Variants in GRM7 observed in about 807,000 individuals in gnomAD.
The protein encoded by GRM7 is glutamate metabotropic receptor 7.
A neutral mutation model predicts 84.5 loss-of-function variants in GRM7; 35 were observed. The ratio of observed to expected loss-of-function variants is 0.41; its 90% CI spans 0.32 to 0.55. GRM7 has a LOEUF of 0.55. GRM7 is among the 20% of genes least tolerant of loss of function. The pLI, the probability that GRM7 is intolerant of heterozygous loss-of-function variation, is 0.19. For synonymous variants in GRM7, 487 were observed against 455.1 expected, an observed-to-expected ratio of 1.07 and a Z score of -0.89; for missense variants, 1,003 against 1,194.6, an observed-to-expected ratio of 0.84 and a Z score of 2.36.
At chr3:6,998,167 G>A (rs1373434409) in intron 1 of GRM7, among the ~76,000 whole-genome samples, 6 of 127,082 alleles carry the variant, frequency 4.7e-5, no homozygotes, top group African/African-American at 1.7e-4. Flanking sequence ...TAGATACAAT[G>A]AGGGTACAGG....
chr3:7,667,542 A>G (rs559031919), intron 8 of GRM7, among the ~76,000 whole-genome samples: 37 of 152,262 alleles, frequency 2.4e-4, no homozygotes, highest in African/African-American at 7.9e-4. Context: ...TCATCCATCA[A>G]TTTTTTAATA....
At chr3:7,704,690 A>G (rs1701329773) in intron 9 of GRM7, among the ~76,000 whole-genome samples, 1 of 152,210 alleles carries the variant, frequency 6.6e-6, no homozygotes, top group Non-Finnish European at 1.5e-5. Context: ...AGTATTCAAT[A>G]TATACGTGAA....
intron 1 of GRM7, among the ~76,000 whole-genome samples, chr3:6,870,276 G>C (rs912800688): frequency 6.6e-6 from 1 of 152,136 alleles, no homozygotes; most frequent in Admixed American, 6.5e-5. Context: ...ATTTGATGAG[G>C]TGACAATTGA....
intron 1 of GRM7, among the ~76,000 whole-genome samples, chr3:7,142,722 C>T (rs934329588): frequency 6.6e-6 from 1 of 152,120 alleles, no homozygotes; most frequent in Non-Finnish European, 1.5e-5. Context: ...AAAATGTTGA[C>T]AGGGATCAAG....
intron 3 of GRM7, among the ~76,000 whole-genome samples, chr3:7,301,163 G>GTT (rs79297508): frequency 6.6e-6 from 1 of 151,690 alleles, no homozygotes; most frequent in Non-Finnish European, 1.5e-5. Context: ...TGCTCACGAT[G>GTT]TTTTTTTCTC....
At position 7,195,066 on chromosome 3, in the gene GRM7, T is replaced by C. The variant is rs547572118; in HGVS notation, c.736+48398T>C. Among the ~76,000 whole-genome samples, 3 of 152,268 alleles carry C rather than the reference T, an allele frequency of 2.0e-5. No individual in the cohort carries two copies. In the South Asian group the frequency reaches 6.2e-4, roughly 32 times the overall value. On this transcript the variant is annotated intron_variant, in intron 2 of 9. Transcript: ENST00000357716. ...TTAAATAAGTGCCTGATGTATGCAA[T>C]CAGTCATCCGGTCCCTAATACCTGG...
intron 9 of GRM7, among the ~76,000 whole-genome samples, chr3:7,739,521 A>G (rs73023800): frequency 6.6e-6 from 1 of 152,330 alleles, no homozygotes; most frequent in Non-Finnish European, 1.5e-5. Context: ...ACATCATTGC[A>G]ACAGTATGAC....
chr3:7,528,542 T>G (rs1700897762), intron 7 of GRM7, among the ~76,000 whole-genome samples: 1 of 152,062 alleles, frequency 6.6e-6, no homozygotes, highest in Non-Finnish European at 1.5e-5. Flanking sequence ...CTTTTAGTTA[T>G]TTTTTTTCTT....
intron 7 of GRM7, among the ~76,000 whole-genome samples, chr3:7,469,992 G>C (rs1056166446): frequency 1.3e-5 from 2 of 152,116 alleles, no homozygotes; most frequent in African/African-American, 4.8e-5. Flanking sequence ...TAAAAGATCA[G>C]ATCTGGCAAT....
chr3:6,907,793 A>G (rs972992924), intron 1 of GRM7, among the ~76,000 whole-genome samples: 3 of 152,200 alleles, frequency 2.0e-5, no homozygotes, highest in Non-Finnish European at 4.4e-5. Flanking sequence ...GACATTATTT[A>G]GAAAACCACA....
intron 4 of GRM7, among the ~76,000 whole-genome samples, chr3:7,368,712 G>T (rs1694010860): frequency 6.6e-6 from 1 of 152,098 alleles, no homozygotes; most frequent in South Asian, 2.1e-4. Flanking sequence ...CTGTTTGGTT[G>T]TGGTGAAGAT....
At chr3:7,158,594 A>T (rs1226329803) in intron 2 of GRM7, among the ~76,000 whole-genome samples, 2 of 152,152 alleles carry the variant, frequency 1.3e-5, no homozygotes, top group African/African-American at 4.8e-5. Flanking sequence ...ACTCCTTCAG[A>T]GTAGCTACAG....
intron 8 of GRM7, among the ~76,000 whole-genome samples, chr3:7,600,502 C>T (rs1015869584): frequency 6.6e-6 from 1 of 152,032 alleles, no homozygotes; most frequent in East Asian, 1.9e-4. Context: ...TGCTGTTGAA[C>T]GGGGTATTTA....
chr3:7,061,062 T>C (rs1436304665), intron 1 of GRM7, among the ~76,000 whole-genome samples: 2 of 151,800 alleles, frequency 1.3e-5, no homozygotes, highest in Non-Finnish European at 2.9e-5. Context: ...AGTACAGGCA[T>C]TTTTTGATGT....
At chr3:7,485,083 T>G (rs1274465424) in intron 7 of GRM7, among the ~76,000 whole-genome samples, 1 of 152,174 alleles carries the variant, frequency 6.6e-6, no homozygotes, top group African/African-American at 2.4e-5. Context: ...CAAGTCAATC[T>G]TTCCCCATTT....
At chr3:6,954,303 A>G (rs1021219586) in intron 1 of GRM7, among the ~76,000 whole-genome samples, 1 of 152,200 alleles carries the variant, frequency 6.6e-6, no homozygotes, top group Non-Finnish European at 1.5e-5. Flanking sequence ...CTACTCTTCT[A>G]TCAAACATTC....
intron 1 of GRM7, among the ~76,000 whole-genome samples, chr3:7,030,527 C>T (rs1364685600): frequency 1.3e-5 from 2 of 152,156 alleles, no homozygotes; most frequent in African/African-American, 4.8e-5. Flanking sequence ...AGTAAACTGA[C>T]ACAGTACCAA....
chr3:7,129,022 T>C (rs914716440), intron 1 of GRM7, among the ~76,000 whole-genome samples: 1 of 152,172 alleles, frequency 6.6e-6, no homozygotes, highest in Non-Finnish European at 1.5e-5. Context: ...AAGTTGAACG[T>C]GTTTAGTGCA....
chr3:7,170,340 C>CT (rs1261394483), intron 2 of GRM7, among the ~76,000 whole-genome samples: 1 of 152,194 alleles, frequency 6.6e-6, no homozygotes, highest in Admixed American at 6.5e-5. Flanking sequence ...GGCCTGATGA[C>CT]TAAAGGGCCA....
Sources: allele counts gnomAD v4.1 joint callset (sites outside exome capture counted in the v4.1 genomes callset), GRCh38; gene constraint gnomAD v4.1.1; transcripts MANE v1.5; gene names NCBI Gene and HGNC (gene_info 2026-07-23, HGNC 2026-07-21).